Variants in SORBS2 observed in about 807,000 individuals in gnomAD.
The protein encoded by SORBS2 is sorbin and SH3 domain containing 2.
In SORBS2, 46 loss-of-function variants were observed where a neutral mutation model predicts 97.7. The observed-to-expected ratio is 0.47, with a 90% CI of 0.37 to 0.60. The LOEUF is 0.60. Ranked by LOEUF, SORBS2 falls within the 20% of genes least tolerant of loss-of-function variation. The probability of loss-of-function intolerance (pLI) is 0.00; values close to 1 mark genes in which losing one functional copy is unlikely to be tolerated. For missense variants in SORBS2, 1,316 were observed against 1,282.3 expected (o/e 1.03, Z -0.40); for synonymous variants, 476 against 473.4 (o/e 1.01, Z -0.07).
intron 1 of SORBS2, among the ~76,000 whole-genome samples, chr4:185,799,773 C>A (rs747604395): frequency 1.1e-4 from 17 of 152,158 alleles, no homozygotes; most frequent in African/African-American, 1.4e-4. Context: ...AACACACGTG[C>A]CTTTAATGCC....
rs2096756499 is a variant in SORBS2 at position 185,623,609 on chromosome 4, A to G, written c.1520T>C (p.Val507Ala). 2 of 1,613,792 alleles carry G rather than the reference A, an allele frequency of 1.2e-6. No individual in the cohort carries two copies. The highest frequency in any genetic ancestry group is 1.7e-6 in the Non-Finnish European group (2 of 1,179,946). The change falls in exon 7 of 15, where the codon GTT (valine) becomes GCT (alanine). Residue 507 changes from valine to alanine, a missense_variant. Physicochemically the swap from Val to Ala is moderately conservative, Grantham distance 64 (BLOSUM62 0). Coordinates refer to ENST00000418609, the Ensembl canonical transcript of SORBS2. The surrounding 1 kb of genome is among the most constrained non-coding windows in gnomAD (Gnocchi z 6.4). The stretch of plus-strand genomic sequence containing the variant: ...AATGTAGTCACTGTGGTCGGACACA[A>G]CCCCGTCCTGGTCGCTGTCGGAAAA...
At chr4:185,845,229 A>G (rs546194056) in intron 1 of SORBS2, among the ~76,000 whole-genome samples, 79 of 152,042 alleles carry the variant, frequency 5.2e-4, no homozygotes, top group Non-Finnish European at 9.8e-4. Flanking sequence ...GAGGTTGCCC[A>G]GGTTGGTCTC....
At chr4:185,820,209 G>T (rs1016507471) in intron 1 of SORBS2, among the ~76,000 whole-genome samples, 6 of 152,168 alleles carry the variant, frequency 3.9e-5, no homozygotes, top group Non-Finnish European at 8.8e-5. Flanking sequence ...GGTGAGGGCC[G>T]TGGGCTTCAG....
intron 2 of SORBS2, among the ~76,000 whole-genome samples, chr4:185,767,861 T>C (rs1322314094): frequency 2.0e-5 from 3 of 152,194 alleles, no homozygotes; most frequent in Non-Finnish European, 2.9e-5. Flanking sequence ...AGACTTTTGT[T>C]CTCAATAAAT....
chr4:185,668,570 A>G (rs892491748), intron 4 of SORBS2, among the ~76,000 whole-genome samples: 19 of 152,240 alleles, frequency 1.2e-4, no homozygotes, highest in Admixed American at 6.5e-5. Context: ...TGAATGGAAT[A>G]TACCCTGTAG....
chr4:185,595,740 A>G (rs1173043502), intron 12 of SORBS2, among the ~76,000 whole-genome samples: 1 of 146,146 alleles, frequency 6.8e-6, no homozygotes, highest in Admixed American at 6.8e-5. Context: ...TTTTTTTTTT[A>G]GTTTTGAAGT....
intron 7 of SORBS2, 69 bp from the exon 20 acceptor site, chr4:185,620,220 T>C (rs1237707504): frequency 2.0e-6 from 2 of 1,024,566 alleles, no homozygotes; most frequent in African/African-American, 3.1e-5. Context: ...TTCCGCCATT[T>C]TCCCTGGTGG....
intron 1 of SORBS2, among the ~76,000 whole-genome samples, chr4:185,844,527 C>T (rs780918135): frequency 3.3e-5 from 5 of 152,104 alleles, no homozygotes; most frequent in Admixed American, 6.5e-5. Context: ...GGATGTGAAA[C>T]GGTACAGCTA....
At chr4:185,653,981 A>G (rs905820688) in intron 1 of SORBS2, among the ~76,000 whole-genome samples, 6 of 152,192 alleles carry the variant, frequency 3.9e-5, no homozygotes, top group African/African-American at 1.4e-4. Context: ...TTATTGCCTG[A>G]TCTTTTTTTC....
At chr4:185,741,187 T>C (rs2098722789) in intron 2 of SORBS2, among the ~76,000 whole-genome samples, 1 of 151,976 alleles carries the variant, frequency 6.6e-6, no homozygotes, top group Non-Finnish European at 1.5e-5. Context: ...AGGCATAATG[T>C]AACATAAGAC....
intron 13 of SORBS2, chr4:185,593,546 A>G (rs1361762262): frequency 1.5e-5 from 4 of 260,414 alleles, no homozygotes; most frequent in Non-Finnish European, 2.9e-5. Context: ...GTAAGGTTAG[A>G]ACATGTTCTG....
intron 1 of SORBS2, among the ~76,000 whole-genome samples, chr4:185,932,257 A>G (rs1273000649): frequency 2.0e-5 from 3 of 151,700 alleles, no homozygotes; most frequent in Non-Finnish European, 4.4e-5. Context: ...AGTGGAGGGA[A>G]AAAAGGATGG....
intron 12 of SORBS2, among the ~76,000 whole-genome samples, chr4:185,595,999 G>T (rs1355481496): frequency 2.0e-5 from 3 of 152,062 alleles, no homozygotes; most frequent in African/African-American, 7.2e-5. Context: ...CATATACCAA[G>T]ATAGCTACTA....
chr4:185,656,720 C>G, exon 1 of SORBS2: 2 of 1,545,636 alleles, frequency 1.3e-6, no homozygotes, highest in Non-Finnish European at 8.7e-7. Flanking sequence ...CCTGCCCAGG[C>G]TCTCAGAAGC....
chr4:185,907,519 T>C (rs943134174), intron 1 of SORBS2, among the ~76,000 whole-genome samples: 7 of 152,200 alleles, frequency 4.6e-5, no homozygotes, highest in Admixed American at 3.9e-4. Flanking sequence ...GGCCTGGATG[T>C]TTATGTTTAG....
At chr4:185,889,562 T>C (rs1172620353) in intron 1 of SORBS2, among the ~76,000 whole-genome samples, 1 of 152,172 alleles carries the variant, frequency 6.6e-6, no homozygotes, top group Non-Finnish European at 1.5e-5. Context: ...TCTGCTTCGA[T>C]TCAAAATGTT....
At chr4:185,949,547 G>A (rs1024666621) in intron 1 of SORBS2, among the ~76,000 whole-genome samples, 6 of 152,060 alleles carry the variant, frequency 3.9e-5, no homozygotes, top group Non-Finnish European at 7.4e-5. Context: ...GAAGAGATTA[G>A]ACTAAGGGGG....
At chr4:185,938,355 C>A (rs187875772) in intron 1 of SORBS2, among the ~76,000 whole-genome samples, 1 of 149,138 alleles carries the variant, frequency 6.7e-6, no homozygotes, top group Non-Finnish European at 1.5e-5. Flanking sequence ...CTAGGGGAAC[C>A]TAGGATCCTC....
At chr4:185,928,571 A>G (rs1014008345) in intron 1 of SORBS2, among the ~76,000 whole-genome samples, 24 of 151,610 alleles carry the variant, frequency 1.6e-4, no homozygotes, top group Non-Finnish European at 2.8e-4. Flanking sequence ...TTTGAGACGG[A>G]GTTTTGCTCT....
Sources: allele counts gnomAD v4.1 joint callset (sites outside exome capture counted in the v4.1 genomes callset), GRCh38; gene constraint gnomAD v4.1.1; non-coding constraint Gnocchi (gnomAD v3.1); transcripts MANE v1.5; gene names NCBI Gene and HGNC (gene_info 2026-07-23, HGNC 2026-07-21).